Variants in CTNS observed in about 807,000 individuals in gnomAD.
CTNS encodes cystinosin.
In CTNS, 27 loss-of-function variants were observed where a neutral mutation model predicts 43.7. The observed-to-expected ratio is 0.62, with a 90% confidence interval of 0.46 to 0.85. The LOEUF is 0.85. Ranked by LOEUF, CTNS falls within the 40% of genes least tolerant of loss-of-function variation. The probability of loss-of-function intolerance (pLI) is 0.00; values close to 1 mark genes in which losing one functional copy is unlikely to be tolerated. For missense variants in CTNS, 457 were observed against 475.4 expected (o/e 0.96, Z 0.36); for synonymous variants, 187 against 190.6 (o/e 0.98, Z 0.16).
rs376472844 is a variant in CTNS, at chr17:3,660,708, G to A, written c.*339G>A. ...GAAGGCCTTGCCCCAAACTACCAGC[G>A]TTTCTGCAAGCAGCTTGAAGGGCTG... On this transcript the variant is annotated 3_prime_UTR_variant, in exon 12 of 12. Transcript: ENST00000046640. 1.7e-5 allele frequency: 27 copies of A among 1,613,512 alleles called. No homozygotes were observed. Among genetic ancestry groups the A allele is most frequent in the Admixed American group, 3.3e-5 (2 of 60,014 alleles).
chr17:3,647,651 C>T (rs1597620584), intron 4 of CTNS, 129 bp downstream of exon 4: 2 of 850,820 alleles, frequency 2.4e-6, no homozygotes, highest in East Asian at 5.3e-5. Flanking sequence ...AAGACAAGCC[C>T]TAGAAAAAGG....
rs535623636 is a variant in CTNS, at chr17:3,654,237, G to A, written c.226-761G>A. ...GAAGGGTAGACACTTTTGTTAACTCGTTTTACAGATGAGCAAACTGAGATC... is the reference window on the plus strand; with the variant it reads ...GAAGGGTAGACACTTTTGTTAACTCATTTTACAGATGAGCAAACTGAGATC... On this transcript the variant is annotated intron_variant, in intron 5 of 11. Coordinates refer to ENST00000046640, the MANE Select transcript of CTNS (RefSeq NM_004937.3). 1.8e-4 allele frequency among the ~76,000 whole-genome samples: 27 copies of A among 152,258 alleles called. No individual in the cohort carries two copies. The East Asian group carries it at 3.9e-3, about 22-fold the overall frequency.
chr17:3,647,454 C>T lies in CTNS; in HGVS notation c.72C>T (p.Val24=). The stretch of plus-strand genomic sequence containing the variant: ...TTTGGGTCCTTCCAGAGTCAAGCGT[C>T]AGCCTCACTGTTCCTCCTGTCGTAA... ...LKLVEKCESS[V]SLTVPPVVKL... is the part of the protein sequence containing the mutation. The change falls in exon 4 of 12, where the codon GTC becomes GTT. Residue 24 remains valine, a synonymous_variant. Transcript: ENST00000046640. 1 of 1,614,090 alleles carries T rather than the reference C, an allele frequency of 6.2e-7. No individual in the cohort carries two copies. Among genetic ancestry groups the T allele is most frequent in the East Asian group, 2.2e-5 (1 of 44,876 alleles).
chr17:3,662,488 G>T lies in CTNS; in HGVS notation c.*2119G>T, dbSNP rs80249487. Among the ~76,000 whole-genome samples the T allele has an allele frequency of 3.8e-3, 574 of 152,228 alleles. 2 individuals are homozygous for T. The highest frequency in any genetic ancestry group is 0.014 in the Middle Eastern group (4 of 294). On this transcript the variant is annotated 3_prime_UTR_variant, in exon 12 of 12. Transcript: ENST00000046640. The stretch of plus-strand genomic sequence containing the variant: ...ACACGTGGGGTTGTGTCCCTCGCTG[G>T]GATACACGGAGTGCCCTTATAGGCA...
chr17:3,655,386 G>A (rs758144420), intron 7 of CTNS, 34 bp downstream of exon 7: 9 of 1,612,728 alleles, frequency 5.6e-6, no homozygotes, highest in Non-Finnish European at 6.8e-6. Flanking sequence ...AGGCTCTCTC[G>A]GGGCCCCTAG....
At chr17:3,639,984 C>T (rs1038295948) in intron 2 of CTNS, among the ~76,000 whole-genome samples, 3 of 152,142 alleles carry the variant, frequency 2.0e-5, no homozygotes, top group African/African-American at 4.8e-5. Flanking sequence ...TTTATCTGCT[C>T]GGAGCCCGTT....
chr17:3,647,542 G>T lies in CTNS; in HGVS notation c.140+20G>T. ...CCTGCGGTAAGTTCCTGGGCCTGGC[G>T]CTGTGCTCAGCTCCGCTCAGGCCCC... On this transcript the variant is annotated intron_variant, in intron 4 of 11. Coordinates refer to ENST00000046640, the MANE Select transcript of CTNS (RefSeq NM_004937.3). 1 of 1,610,974 alleles carries T rather than the reference G, an allele frequency of 6.2e-7. No homozygotes were observed. The highest frequency in any genetic ancestry group is 8.5e-7 in the Non-Finnish European group (1 of 1,177,430).
At chr17:3,641,723 T>C (rs931345977) in intron 3 of CTNS, among the ~76,000 whole-genome samples, 1 of 151,964 alleles carries the variant, frequency 6.6e-6, no homozygotes, top group Non-Finnish European at 1.5e-5. Context: ...CAAGTGAACC[T>C]TGACAAACAA....
chr17:3,659,802 A>T, intron 10 of CTNS, 56 bp from the exon 11 acceptor site: 1 of 1,312,128 alleles, frequency 7.6e-7, no homozygotes, highest in Non-Finnish European at 1.1e-6. Context: ...GAGGCGCATG[A>T]GGCAGCCGCC....
intron 3 of CTNS, among the ~76,000 whole-genome samples, chr17:3,645,223 C>A (rs2075816676): frequency 6.6e-6 from 1 of 152,054 alleles, no homozygotes; most frequent in South Asian, 2.1e-4. Flanking sequence ...GGCTCTGAGG[C>A]TCCACATAAG....
In CTNS at chr17:3,655,067, G is replaced by A. The variant is rs2076094271; in HGVS notation, c.295G>A (p.Val99Ile). ...VTSQNVGQLT[V>I]YLHGNHSNQT... The stretch of plus-strand genomic sequence containing the variant: ...ATCTCAAAATGTTGGACAACTTACT[G>A]TTTATCTACATGGAAATCACTCCAA... The change falls in exon 6 of 12, where the codon GTT becomes ATT. Residue 99 changes from valine to isoleucine, a missense_variant. Coordinates refer to ENST00000046640, the MANE Select transcript of CTNS (RefSeq NM_004937.3). The A allele has an allele frequency of 6.2e-7, 1 of 1,614,042 alleles. No individual in the cohort carries two copies. Among genetic ancestry groups the A allele is most frequent in the Non-Finnish European group, 8.5e-7 (1 of 1,179,990 alleles).
intron 5 of CTNS, among the ~76,000 whole-genome samples, chr17:3,653,612 A>C (rs1281177961): frequency 6.6e-6 from 1 of 152,076 alleles, no homozygotes; most frequent in African/African-American, 2.4e-5. Context: ...GCGGTGGCTC[A>C]CACCTGTAAT....
At position 3,637,303 on chromosome 17, in the gene CTNS, C is replaced by T. The variant is rs1183377240; in HGVS notation, c.-33C>T. 6.6e-6 allele frequency: 1 copy of T among 152,110 alleles called. No homozygotes were observed. The highest frequency in any genetic ancestry group is 1.5e-5 in the Non-Finnish European group (1 of 68,020). 9.4% of individuals were successfully genotyped at this position (152,110 alleles called of 1,614,324 possible). On this transcript the variant is annotated 5_prime_UTR_variant, in exon 2 of 12. Transcript: ENST00000046640. Reference sequence around the variant, plus strand: ...TGTTTTGTGAGAGCTCGCTAGGCGCCCTAAGCAACAGAGGTAACCACTTTA... The same window carrying T: ...TGTTTTGTGAGAGCTCGCTAGGCGCTCTAAGCAACAGAGGTAACCACTTTA...
In CTNS at chr17:3,658,204, G is replaced by A. The variant is rs373430331; in HGVS notation, c.852+29G>A. On this transcript the variant is annotated intron_variant, in intron 10 of 11. Coordinates refer to ENST00000046640, the MANE Select transcript of CTNS (RefSeq NM_004937.3). Reference sequence around the variant, plus strand: ...CCTCCAGGGCCCTGTTCACATGGCCGGTGGCAGGAGAGGTGAGAGCTACAT... The same window carrying A: ...CCTCCAGGGCCCTGTTCACATGGCCAGTGGCAGGAGAGGTGAGAGCTACAT... The A allele has an allele frequency of 3.7e-5, 60 of 1,610,808 alleles. No individual in the cohort carries two copies. In the East Asian group the frequency reaches 4.2e-4, roughly 11 times the overall value.
At chr17:3,652,482 C>T (rs1401687554) in intron 5 of CTNS, among the ~76,000 whole-genome samples, 1 of 152,126 alleles carries the variant, frequency 6.6e-6, no homozygotes, top group Non-Finnish European at 1.5e-5. Flanking sequence ...ATCCCAGCTA[C>T]TTAGGAGGCT....
intron 2 of CTNS, 46 bp from the exon 3 acceptor site, chr17:3,640,142 G>T: frequency 6.7e-7 from 1 of 1,490,008 alleles, no homozygotes; most frequent in Non-Finnish European, 9.4e-7. Context: ...GAGCTGAGCT[G>T]ATTCAACATT....
chr17:3,651,995 A>C lies in CTNS; in HGVS notation c.226-3003A>C, dbSNP rs150780397. Among the ~76,000 whole-genome samples the C allele has an allele frequency of 7.9e-3, 1,142 of 143,836 alleles. 13 individuals carry two copies. The highest frequency in any genetic ancestry group is 0.028 in the African/African-American group (1,085 of 39,422). The allele number at this position is 143,836 out of a possible 152,430, so 94.4% of individuals were successfully genotyped here. A position where few individuals can be genotyped will look rare whatever the true frequency, so the allele number is the denominator to read the frequency against. On this transcript the variant is annotated intron_variant, in intron 5 of 11. Transcript: ENST00000046640. ...TCTCAAAAAAAAAGAAAAGAAAAGA[A>C]AAGTCTTTAACAATGAGAGTCAAAC...
At chr17:3,658,582 G>A (rs997821967) in intron 10 of CTNS, among the ~76,000 whole-genome samples, 3 of 152,210 alleles carry the variant, frequency 2.0e-5, no homozygotes, top group South Asian at 2.1e-4. Context: ...GAGCATAGCC[G>A]GTCCTCTTCA....
Position 3,659,852 on chromosome 17 carries a change from G to T in CTNS, c.853-6G>T, listed in dbSNP as rs775425630. ...CTCCGTCTGTCTGTCCGTCTGTCTGGCCCAGGCCTACATGAACTTTTACTA... is the reference window on the plus strand; with the variant it reads ...CTCCGTCTGTCTGTCCGTCTGTCTGTCCCAGGCCTACATGAACTTTTACTA... On this transcript the variant is annotated splice_region_variant and splice_polypyrimidine_tract_variant and intron_variant, in intron 10 of 11. Coordinates refer to ENST00000046640, the MANE Select transcript of CTNS (RefSeq NM_004937.3). 7 of 1,609,778 alleles carry T rather than the reference G, an allele frequency of 4.3e-6. No individual in the cohort carries two copies. Among genetic ancestry groups the T allele is most frequent in the Non-Finnish European group, 6.0e-6 (7 of 1,176,228 alleles).
Sources: allele counts gnomAD v4.1 joint callset (sites outside exome capture counted in the v4.1 genomes callset), GRCh38; gene constraint gnomAD v4.1.1; transcripts MANE v1.5; gene names NCBI Gene and HGNC (gene_info 2026-07-23, HGNC 2026-07-21).